DIPK2A: variants seen among roughly 807,000 people sequenced by gnomAD.
DIPK2A encodes the protein divergent protein kinase domain 2A, also known as Golgi Protein of 49 kDa.
DIPK2A carries 27 observed loss-of-function variants against 39.0 expected under a neutral mutation model. That is an observed-to-expected ratio of 0.69 (90% confidence interval 0.51 to 0.96). DIPK2A has a LOEUF of 0.96. Ranked by LOEUF, DIPK2A falls within the 40% of genes least tolerant of loss-of-function variation. The probability of loss-of-function intolerance (pLI) is 0.00; values close to 1 mark genes in which losing one functional copy is unlikely to be tolerated. For missense variants in DIPK2A, 528 were observed against 571.3 expected, an observed-to-expected ratio of 0.92 and a Z score of 0.77; for synonymous variants, 298 against 240.8, an observed-to-expected ratio of 1.24 and a Z score of -2.20.
At chr3:143,978,660 CTATA>C (rs1213006964) in intron 1 of DIPK2A, 14 of 76,044 alleles carry the variant, frequency 1.8e-4, no homozygotes, top group Admixed American at 1.7e-3. Flanking sequence ...ATATATATAT[CTATA>C]TATAGATATA....
chr3:143,984,907 A>G (rs1466480599), intron 1 of DIPK2A, among the ~76,000 whole-genome samples: 3 of 152,164 alleles, frequency 2.0e-5, no homozygotes, highest in South Asian at 2.1e-4. Flanking sequence ...GGTAAAAGAC[A>G]TCTCTCAAGA....
In DIPK2A at chr3:143,990,131, G is replaced by A; in HGVS notation, c.*290G>A. On this transcript the variant is annotated 3_prime_UTR_variant, in exon 3 of 3. Transcript: ENST00000315691. Reference sequence around the variant, plus strand: ...GATTAATGAATATTGTTAAGCTATTGGAAATGAGTCTGATAGTACATTGGC... The same window carrying A: ...GATTAATGAATATTGTTAAGCTATTAGAAATGAGTCTGATAGTACATTGGC... The A allele has an allele frequency of 3.2e-6, 1 of 315,806 alleles. No homozygotes were observed. The highest frequency in any genetic ancestry group is 5.4e-5 in the South Asian group (1 of 18,590). 19.6% of individuals were successfully genotyped at this position (315,806 alleles called of 1,614,324 possible).
rs751204590 is a variant in DIPK2A at position 143,972,884 on chromosome 3, G to A, written c.552G>A (p.Ala184=). The part of the protein sequence containing the change: ...RLLDRLVRRY[A]ETKDSGSFLL... The stretch of plus-strand genomic sequence containing the variant: ...TCGACCGCCTGGTGCGCCGCTACGC[G>A]GAGACCAAGGACTCGGGCAGCTTCC... Residue 184 remains alanine (A), a synonymous_variant, in exon 1 of 3, where the codon GCG becomes GCA. Transcript: ENST00000315691. 3 of 1,579,266 alleles carry A rather than the reference G, an allele frequency of 1.9e-6. No individual in the cohort carries two copies. In the Admixed American group the frequency reaches 5.4e-5, roughly 28 times the overall value.
intron 1 of DIPK2A, among the ~76,000 whole-genome samples, chr3:143,975,799 C>T (rs977672048): frequency 1.3e-5 from 2 of 151,922 alleles, no homozygotes; most frequent in Non-Finnish European, 2.9e-5. Context: ...TGGTGACAAA[C>T]TAGATTTTTC....
At chr3:143,975,620 T>G (rs1455479351) in intron 1 of DIPK2A, among the ~76,000 whole-genome samples, 2 of 145,864 alleles carry the variant, frequency 1.4e-5, no homozygotes, top group Non-Finnish European at 3.0e-5. Flanking sequence ...TTATAGCTGT[T>G]TACAGTAATA....
At chr3:143,989,068 C>T (rs921927387) in intron 2 of DIPK2A, among the ~76,000 whole-genome samples, 6 of 152,174 alleles carry the variant, frequency 3.9e-5, no homozygotes, top group African/African-American at 1.4e-4. Context: ...TCCCTTATGT[C>T]CATGTCTTTG....
intron 1 of DIPK2A, among the ~76,000 whole-genome samples, chr3:143,984,336 ATC>A (rs142956375): frequency 0.041 from 6,283 of 152,132 alleles, 439 homozygotes; most frequent in African/African-American, 0.14. Context: ...CTTTCTGCCT[ATC>A]TCGGTTTTAG....
In DIPK2A at chr3:143,990,310, T is replaced by C. The variant is rs918140271; in HGVS notation, c.*469T>C. 1 of 152,788 alleles carries C rather than the reference T, an allele frequency of 6.5e-6. No homozygotes were observed. Among genetic ancestry groups the C allele is most frequent in the Non-Finnish European group, 1.5e-5 (1 of 68,262 alleles). The allele number at this position is 152,788 out of a possible 1,614,324, so 9.5% of individuals were successfully genotyped here. ...AGGGTTTTTTCCCCCTTTTTTTTTT[T>C]AATTAAATTTTGAAAATTCAGGTTA... On this transcript the variant is annotated 3_prime_UTR_variant, in exon 3 of 3. Transcript: ENST00000315691.
intron 1 of DIPK2A, among the ~76,000 whole-genome samples, chr3:143,975,490 C>G (rs1169684901): frequency 6.6e-6 from 1 of 152,082 alleles, no homozygotes; most frequent in African/African-American, 2.4e-5. Context: ...TGAAAGGTAT[C>G]TCAACATTCT....
chr3:143,973,616 A>G, intron 1 of DIPK2A: 3 of 1,395,366 alleles, frequency 2.1e-6, no homozygotes, highest in Non-Finnish European at 1.0e-6. Flanking sequence ...AGAAACAGGA[A>G]AAGTAAGGCA....
In DIPK2A at chr3:143,990,926, A is replaced by T. The variant is rs1576815768; in HGVS notation, c.*1085A>T. The stretch of plus-strand genomic sequence containing the variant: ...TTTAAAGTTATCCTACCTTTTATTC[A>T]TGGGTAGTTTTGCAAAATTAACATG... On this transcript the variant is annotated 3_prime_UTR_variant, in exon 3 of 3. Coordinates refer to ENST00000315691, the MANE Select transcript of DIPK2A (RefSeq NM_173552.5). The T allele has an allele frequency of 6.6e-6, 1 of 152,406 alleles. No individual in the cohort carries two copies. The highest frequency in any genetic ancestry group is 1.5e-5 in the Non-Finnish European group (1 of 67,992). The allele number at this position is 152,406 out of a possible 1,614,324, so 9.4% of individuals were successfully genotyped here.
intron 1 of DIPK2A, among the ~76,000 whole-genome samples, chr3:143,983,391 GAATT>G (rs2087852762): frequency 6.6e-6 from 1 of 152,196 alleles, no homozygotes; most frequent in Admixed American, 6.5e-5. Context: ...TTAGAATTCA[GAATT>G]AAGAAACTCA....
Position 143,989,596 on chromosome 3 carries a change from C to A in DIPK2A, c.1048C>A (p.Leu350Ile). 6.2e-7 allele frequency: 1 copy of A among 1,614,166 alleles called. No individual in the cohort carries two copies. Among genetic ancestry groups the A allele is most frequent in the Non-Finnish European group, 8.5e-7 (1 of 1,180,008 alleles). Reference sequence around the variant, plus strand: ...TTGCTTATCATTTTCAAAAGAAATTCTTTGTGCTCGTGCCACTGTGGACCA... The same window carrying A: ...TTGCTTATCATTTTCAAAAGAAATTATTTGTGCTCGTGCCACTGTGGACCA... ...EACLSFSKEI[L>I]CARATVDHNY... The change falls in exon 3 of 3, where the codon CTT (leucine) becomes ATT (isoleucine). Residue 350 changes from leucine to isoleucine, a missense_variant. Physicochemically the swap from Leu to Ile is conservative, Grantham distance 5 (BLOSUM62 2). Transcript: ENST00000315691.
At chr3:143,987,627 CAGAT>C (rs1419624084) in intron 2 of DIPK2A, among the ~76,000 whole-genome samples, 2 of 152,196 alleles carry the variant, frequency 1.3e-5, no homozygotes, top group Non-Finnish European at 2.9e-5. Context: ...AAAACAGCAA[CAGAT>C]AGATTCTTCT....
intron 1 of DIPK2A, among the ~76,000 whole-genome samples, chr3:143,978,811 G>A (rs1371509291): frequency 6.6e-6 from 1 of 151,226 alleles, no homozygotes; most frequent in African/African-American, 2.4e-5. Context: ...GGGAGGAAGG[G>A]TGGAGGGGGC....
At chr3:143,980,491 T>A (rs2087811605) in intron 1 of DIPK2A, among the ~76,000 whole-genome samples, 1 of 152,264 alleles carries the variant, frequency 6.6e-6, no homozygotes, top group East Asian at 1.9e-4. Flanking sequence ...GGTCTCAAAC[T>A]CCTGACCTTA....
In DIPK2A at chr3:143,972,993, G is replaced by A; in HGVS notation, c.657+4G>A. ...CCCCGAGCCGCTGGTGCTACAGGTAGGCGCGGAGCCAGGGCAGGGGGCGTC... is the reference window on the plus strand; with the variant it reads ...CCCCGAGCCGCTGGTGCTACAGGTAAGCGCGGAGCCAGGGCAGGGGGCGTC... On this transcript the variant is annotated splice_donor_region_variant and intron_variant, in intron 1 of 2. Transcript: ENST00000315691. The A allele has an allele frequency of 6.3e-7, 1 of 1,577,530 alleles. No homozygotes were observed.
chr3:143,973,368 C>G (rs187209208), intron 1 of DIPK2A: 18 of 1,546,904 alleles, frequency 1.2e-5, no homozygotes, highest in South Asian at 3.6e-5. Flanking sequence ...GCAGACTGTT[C>G]ACGAGCCCTT....
At chr3:143,988,494 A>G (rs2087937082) in intron 2 of DIPK2A, among the ~76,000 whole-genome samples, 1 of 152,132 alleles carries the variant, frequency 6.6e-6, no homozygotes, top group Non-Finnish European at 1.5e-5. Context: ...GTTTTCCTGA[A>G]TGAATCGGCC....
Sources: gnomAD v4.1 joint callset for allele counts (sites outside exome capture counted in the v4.1 genomes callset) on GRCh38, gnomAD v4.1.1 for gene constraint, MANE v1.5 for transcripts, NCBI Gene and HGNC (gene_info 2026-07-23, HGNC 2026-07-21) for gene names.